Variants in CTNNA3 observed in about 807,000 individuals in gnomAD.
CTNNA3 encodes the protein catenin alpha-3.
Under a neutral mutation model 95.7 loss-of-function variants are expected in CTNNA3, and 76 were observed. The observed-to-expected ratio is 0.79, with a 90% CI of 0.66 to 0.96. The LOEUF is 0.96. Among genes scored for constraint, CTNNA3 ranks in the 40% least tolerant of loss-of-function variants. The pLI is 0.00. For missense variants in CTNNA3, 1,191 were observed against 1,089.8 expected, an observed-to-expected ratio of 1.09 and a Z score of -1.31; for synonymous variants, 431 against 374.4, an observed-to-expected ratio of 1.15 and a Z score of -1.74.
intron 9 of CTNNA3, among the ~76,000 whole-genome samples, chr10:66,761,173 G>A (rs1465008434): frequency 6.6e-6 from 1 of 152,098 alleles, no homozygotes; most frequent in East Asian, 1.9e-4. Flanking sequence ...CAAACTGCAA[G>A]AGTCCCCTCT....
rs111538714 is a variant in CTNNA3 at position 66,221,798 on chromosome 10, C to T, written c.1884+58672G>A. On this transcript the variant is annotated intron_variant, in intron 13 of 17. Coordinates refer to ENST00000433211, the MANE Select transcript of CTNNA3 (RefSeq NM_013266.4). ...ACAAGGCAATGTAACATGCTGGGAG[C>T]GGGGGAATCTCATGTCATGTTTAGT... 1.8e-3 allele frequency among the ~76,000 whole-genome samples: 276 copies of T among 152,170 alleles called. 1 individual carries two copies. The highest frequency in any genetic ancestry group is 3.5e-3 in the Admixed American group (53 of 15,274).
chr10:66,039,246 T>A (rs959303811), intron 15 of CTNNA3, among the ~76,000 whole-genome samples: 1 of 152,054 alleles, frequency 6.6e-6, no homozygotes, highest in African/African-American at 2.4e-5. Context: ...AAATCACAGA[T>A]GACACAAACA....
intron 7 of CTNNA3, among the ~76,000 whole-genome samples, chr10:67,045,355 G>A (rs148162346): frequency 9.5e-4 from 145 of 152,158 alleles, no homozygotes; most frequent in Middle Eastern, 6.8e-3. Context: ...CAGAAACCCT[G>A]GAGGTCACCA....
chr10:67,256,163 TA>T (rs1866341458), intron 5 of CTNNA3, among the ~76,000 whole-genome samples: 1 of 152,172 alleles, frequency 6.6e-6, no homozygotes, highest in African/African-American at 2.4e-5. Flanking sequence ...GACAATTAGC[TA>T]AACCATTAGG....
intron 7 of CTNNA3, among the ~76,000 whole-genome samples, chr10:67,148,763 T>G (rs1860953278): frequency 6.6e-6 from 1 of 152,108 alleles, no homozygotes; most frequent in South Asian, 2.1e-4. Context: ...ACATAGCAAT[T>G]TATAGGTAAT....
chr10:66,942,716 C>T (rs1373134729), intron 7 of CTNNA3, among the ~76,000 whole-genome samples: 1 of 151,952 alleles, frequency 6.6e-6, no homozygotes, highest in Non-Finnish European at 1.5e-5. Context: ...TTCCCATACT[C>T]AGCACTCAAG....
intron 9 of CTNNA3, among the ~76,000 whole-genome samples, chr10:66,718,818 T>G (rs1848536764): frequency 6.6e-6 from 1 of 152,112 alleles, no homozygotes; most frequent in African/African-American, 2.4e-5. Context: ...AACAATTGAT[T>G]AACACCATTT....
intron 7 of CTNNA3, among the ~76,000 whole-genome samples, chr10:66,804,705 C>A (rs1841570448): frequency 6.6e-6 from 1 of 151,988 alleles, no homozygotes; most frequent in African/African-American, 2.4e-5. Flanking sequence ...TATTTTCAGA[C>A]CTAATCCCGT....
chr10:67,001,790 G>A (rs889834133), intron 7 of CTNNA3, among the ~76,000 whole-genome samples: 1 of 152,048 alleles, frequency 6.6e-6, no homozygotes, highest in Non-Finnish European at 1.5e-5. Flanking sequence ...AATAAAAAAG[G>A]GTGCTATAGG....
chr10:67,653,893 C>T (rs890232281), intron 1 of CTNNA3, among the ~76,000 whole-genome samples: 10 of 152,204 alleles, frequency 6.6e-5, no homozygotes, highest in Non-Finnish European at 1.3e-4. Context: ...CCCTGCTCAA[C>T]GAGTGCAAAC....
intron 7 of CTNNA3, among the ~76,000 whole-genome samples, chr10:66,947,129 T>C (rs534193156): frequency 5.9e-5 from 9 of 152,178 alleles, no homozygotes; most frequent in East Asian, 3.9e-4. Flanking sequence ...CCTACTCTAA[T>C]GATTGTATTA....
chr10:66,239,274 T>C lies in CTNNA3; in HGVS notation c.1884+41196A>G, dbSNP rs184398352. Among the ~76,000 whole-genome samples, 795 of 151,854 alleles carry C rather than the reference T, an allele frequency of 5.2e-3. 5 individuals carry two copies. Among genetic ancestry groups the C allele is most frequent in the Non-Finnish European group, 7.9e-3 (537 of 67,834 alleles). The stretch of plus-strand genomic sequence containing the variant: ...TAAAATATAATTAATTAATTAAATT[T>C]AATTACATTTTATTTTAATTCTAAA... On this transcript the variant is annotated intron_variant, in intron 13 of 17. Coordinates refer to ENST00000433211, the MANE Select transcript of CTNNA3 (RefSeq NM_013266.4).
chr10:66,733,276 T>C (rs1351787005), intron 9 of CTNNA3, among the ~76,000 whole-genome samples: 1 of 152,028 alleles, frequency 6.6e-6, no homozygotes, highest in East Asian at 1.9e-4. Flanking sequence ...TTGTGTGTAG[T>C]AGAAAAAAAA....
chr10:67,509,178 A>C (rs1839524460), intron 5 of CTNNA3, among the ~76,000 whole-genome samples: 1 of 151,396 alleles, frequency 6.6e-6, no homozygotes, highest in East Asian at 1.9e-4. Flanking sequence ...GCCCGAACTA[A>C]ATAGACATGT....
chr10:67,431,646 C>T (rs185763319), intron 5 of CTNNA3, among the ~76,000 whole-genome samples: 4 of 152,012 alleles, frequency 2.6e-5, no homozygotes, highest in Admixed American at 2.6e-4. Flanking sequence ...CCAAAATGGA[C>T]TCTGGGGTAA....
chr10:66,717,554 T>C (rs1848492915), intron 9 of CTNNA3, among the ~76,000 whole-genome samples: 1 of 152,070 alleles, frequency 6.6e-6, no homozygotes, highest in African/African-American at 2.4e-5. Flanking sequence ...GAATCAAAAT[T>C]AACACATTAC....
In CTNNA3 at chr10:66,927,281, C is replaced by T; in HGVS notation, c.1048-151757G>A. 6.2e-7 allele frequency: 1 copy of T among 1,614,076 alleles called. No individual in the cohort carries two copies. The highest frequency in any genetic ancestry group is 8.5e-7 in the Non-Finnish European group (1 of 1,180,018). On this transcript the variant is annotated intron_variant, in intron 7 of 17. Coordinates refer to ENST00000433211, the MANE Select transcript of CTNNA3 (RefSeq NM_013266.4). This position sits in a 1 kb window ranked among gnomAD's most constrained non-coding sequence, Gnocchi z 4.7. ...CTGATTCTTAGTTCCAATAGAATCT[C>T]CTATTTTCTTAACAATACCTTCAGA...
chr10:66,923,073 C>A (rs1486446158), intron 7 of CTNNA3, among the ~76,000 whole-genome samples: 2 of 152,202 alleles, frequency 1.3e-5, no homozygotes, highest in East Asian at 1.9e-4. Context: ...ATATTTTATA[C>A]CCTCAGTTGT....
chr10:66,044,625 G>T (rs762266261), intron 15 of CTNNA3, among the ~76,000 whole-genome samples: 3 of 151,984 alleles, frequency 2.0e-5, no homozygotes, highest in Non-Finnish European at 4.4e-5. Context: ...TCTGTCATCA[G>T]CTGTTGACTA....
Sources: gnomAD v4.1 joint callset for allele counts (sites outside exome capture counted in the v4.1 genomes callset) on GRCh38, gnomAD v4.1.1 for gene constraint, Gnocchi (gnomAD v3.1) non-coding constraint, MANE v1.5 for transcripts, NCBI Gene and HGNC (gene_info 2026-07-23, HGNC 2026-07-21) for gene names.